The following KIAA1217 variants were observed in gnomAD, a reference collection of about 807,000 sequenced individuals.
The protein encoded by KIAA1217 is sickle tail protein homolog.
In KIAA1217, 88 loss-of-function variants were observed where a neutral mutation model predicts 163.9. The ratio of observed to expected loss-of-function variants is 0.54; its 90% confidence interval spans 0.45 to 0.64. KIAA1217 has a LOEUF of 0.64. KIAA1217 is among the 30% of genes least tolerant of loss of function. KIAA1217 has a pLI of 0.00. For missense variants in KIAA1217, 2,372 were observed against 2,475.0 expected (o/e 0.96, Z 0.88); for synonymous variants, 903 against 923.1 (o/e 0.98, Z 0.39).
At chr10:24,211,600 T>G (rs200388213) in intron 1 of KIAA1217, among the ~76,000 whole-genome samples, 155 of 147,942 alleles carry the variant, frequency 1.0e-3, no homozygotes, top group African/African-American at 2.9e-3. Flanking sequence ...GTATTTTATT[T>G]TATTTTAGAG....
chr10:23,967,840 G>T (rs1845131557), intron 1 of KIAA1217, among the ~76,000 whole-genome samples: 1 of 151,574 alleles, frequency 6.6e-6, no homozygotes. Context: ...TAATTGCTTA[G>T]GCACTTAGAC....
intron 8 of KIAA1217, among the ~76,000 whole-genome samples, chr10:24,498,462 T>G (rs963582252): frequency 1.3e-4 from 20 of 152,196 alleles, no homozygotes; most frequent in African/African-American, 4.6e-4. Flanking sequence ...CTATGACATG[T>G]ACCAAATATA....
At chr10:23,963,897 C>CTT (rs59540632) in intron 1 of KIAA1217, among the ~76,000 whole-genome samples, 62 of 137,918 alleles carry the variant, frequency 4.5e-4, no homozygotes, top group African/African-American at 1.4e-3. Flanking sequence ...TTTCTCTTTT[C>CTT]TTTTTTTTTT....
rs533259507 is a variant in KIAA1217, at chr10:23,756,639, T to A, written c.-321+61405T>A. 1.4e-4 allele frequency among the ~76,000 whole-genome samples: 21 copies of A among 152,328 alleles called. 1 individual carries two copies. Among genetic ancestry groups the A allele is most frequent in the African/African-American group, 5.0e-4 (21 of 41,586 alleles). On this transcript the variant is annotated intron_variant, in intron 1 of 18. Coordinates refer to the KIAA1217 transcript ENST00000376462. ...GATAGTTTTATTAAATCTTAGGTTGTTTGAGCCATTAGGATGTAATAATTT... is the reference window on the plus strand; with the variant it reads ...GATAGTTTTATTAAATCTTAGGTTGATTGAGCCATTAGGATGTAATAATTT...
intron 2 of KIAA1217, among the ~76,000 whole-genome samples, chr10:24,351,305 C>G (rs1399962890): frequency 2.0e-5 from 3 of 152,186 alleles, no homozygotes; most frequent in Non-Finnish European, 2.9e-5. Context: ...AAATTTCTAT[C>G]TGGTTTTCTT....
At chr10:23,798,141 G>A (rs186483806) in intron 1 of KIAA1217, among the ~76,000 whole-genome samples, 66 of 152,238 alleles carry the variant, frequency 4.3e-4, no homozygotes, top group African/African-American at 1.4e-3. Context: ...AAAATATTAG[G>A]CAGGAAGAGG....
intron 2 of KIAA1217, among the ~76,000 whole-genome samples, chr10:24,224,143 C>A (rs536184633): frequency 1.3e-5 from 2 of 152,150 alleles, no homozygotes; most frequent in African/African-American, 4.8e-5. Context: ...TAATGCTGAT[C>A]TGCATAATAG....
chr10:24,403,898 T>G (rs57053478), intron 3 of KIAA1217, among the ~76,000 whole-genome samples: 9,545 of 152,260 alleles, frequency 0.063, 928 homozygotes, highest in African/African-American at 0.21. Flanking sequence ...ACTTATACAT[T>G]GCTGGTGGAA....
intron 2 of KIAA1217, among the ~76,000 whole-genome samples, chr10:24,180,244 C>T (rs1283749349): frequency 6.6e-6 from 1 of 150,886 alleles, no homozygotes. Flanking sequence ...AGGTCCTTCC[C>T]TATCTTTCCA....
At chr10:24,108,614 A>C (rs1459564179) in intron 2 of KIAA1217, among the ~76,000 whole-genome samples, 1 of 152,196 alleles carries the variant, frequency 6.6e-6, no homozygotes, top group East Asian at 1.9e-4. Flanking sequence ...GAATGATAAA[A>C]TTAATGGATG....
At chr10:24,315,057 A>G (rs1422363618) in intron 2 of KIAA1217, among the ~76,000 whole-genome samples, 1 of 152,150 alleles carries the variant, frequency 6.6e-6, no homozygotes, top group African/African-American at 2.4e-5. Context: ...ACAGTCTTCC[A>G]TGGGACCCAC....
intron 1 of KIAA1217, among the ~76,000 whole-genome samples, chr10:23,952,758 C>T (rs370705744): frequency 5.3e-5 from 8 of 152,308 alleles, no homozygotes; most frequent in African/African-American, 1.9e-4. Flanking sequence ...TACTTGTAAA[C>T]TATAAAGTAT....
At chr10:24,449,531 T>G (rs1024569420) in intron 5 of KIAA1217, 1 of 985,272 alleles carries the variant, frequency 1.0e-6, no homozygotes, top group East Asian at 1.1e-4. Flanking sequence ...TTAACTTTCA[T>G]AGAGTAGAAA....
At chr10:23,813,408 C>T (rs1837167088) in intron 1 of KIAA1217, among the ~76,000 whole-genome samples, 1 of 151,950 alleles carries the variant, frequency 6.6e-6, no homozygotes, top group Non-Finnish European at 1.5e-5. Flanking sequence ...TTTTTATGCA[C>T]ATAAACCTTG....
At chr10:23,929,399 C>T (rs930924648) in intron 1 of KIAA1217, among the ~76,000 whole-genome samples, 5 of 152,052 alleles carry the variant, frequency 3.3e-5, no homozygotes, top group African/African-American at 1.2e-4. Context: ...GAGGTTTGGG[C>T]TTCTGCTGAA....
At chr10:23,926,757 A>ATAAATAAATAAATAAC in intron 1 of KIAA1217, among the ~76,000 whole-genome samples, 1 of 151,562 alleles carries the variant, frequency 6.6e-6, no homozygotes, top group Admixed American at 6.6e-5. Context: ...AAATAAATAA[A>ATAAATAAATAAATAAC]TAAAGTGCCT....
rs1317818368 is a variant in KIAA1217 at position 23,967,368 on chromosome 10, C to A, written c.-320-39857C>A. On this transcript the variant is annotated intron_variant, in intron 1 of 18. Coordinates refer to the KIAA1217 transcript ENST00000376462. ...ACATGGTAATTTATTATAACAAAAACAAATAACAGAAGGAGACATATTTGC... is the reference window on the plus strand; with the variant it reads ...ACATGGTAATTTATTATAACAAAAAAAAATAACAGAAGGAGACATATTTGC... Among the ~76,000 whole-genome samples, 7 of 151,858 alleles carry A rather than the reference C, an allele frequency of 4.6e-5. No individual in the cohort carries two copies. The East Asian group carries it at 1.2e-3, about 25-fold the overall frequency.
At chr10:24,060,703 G>A (rs1330106516) in intron 2 of KIAA1217, among the ~76,000 whole-genome samples, 1 of 152,138 alleles carries the variant, frequency 6.6e-6, no homozygotes, top group African/African-American at 2.4e-5. Flanking sequence ...GGCTGAGGCA[G>A]GAGGATTATT....
intron 2 of KIAA1217, among the ~76,000 whole-genome samples, chr10:24,069,288 C>A (rs1164836360): frequency 1.3e-5 from 2 of 152,228 alleles, no homozygotes; most frequent in East Asian, 3.8e-4. Context: ...ACTCTTTTCT[C>A]TCCAGGGAAA....
Sources: allele counts gnomAD v4.1 joint callset (sites outside exome capture counted in the v4.1 genomes callset), GRCh38; gene constraint gnomAD v4.1.1; transcripts MANE v1.5; gene names NCBI Gene and HGNC (gene_info 2026-07-23, HGNC 2026-07-21).